Variants in PCDH15 observed in about 807,000 individuals in gnomAD.
The protein encoded by PCDH15 is protocadherin related 15.
Under a neutral mutation model 178.5 loss-of-function variants are expected in PCDH15, and 129 were observed. That is an observed-to-expected ratio of 0.72 (90% CI 0.63 to 0.84). The LOEUF (loss-of-function observed/expected upper bound fraction) is 0.84, where lower values mean the gene tolerates loss of function less well. PCDH15 is among the 40% of genes least tolerant of loss of function. PCDH15 has a pLI of 0.00. For synonymous variants in PCDH15, 800 were observed against 732.0 expected, an observed-to-expected ratio of 1.09 and a Z score of -1.50; for missense variants, 2,230 against 2,099.9, an observed-to-expected ratio of 1.06 and a Z score of -1.21.
At chr10:54,217,788 G>A (rs1303183215) in intron 9 of PCDH15, among the ~76,000 whole-genome samples, 1 of 152,142 alleles carries the variant, frequency 6.6e-6, no homozygotes, top group Non-Finnish European at 1.5e-5. Flanking sequence ...CTGAGAGAGA[G>A]AGCTGATTTC....
chr10:55,379,668 C>T (rs1837485568), intron 2 of PCDH15, among the ~76,000 whole-genome samples: 1 of 151,910 alleles, frequency 6.6e-6, no homozygotes, highest in African/African-American at 2.4e-5. Flanking sequence ...CTCCAGAATC[C>T]ATAACCTCAA....
intron 3 of PCDH15, among the ~76,000 whole-genome samples, chr10:54,525,563 A>T (rs1352241387): frequency 6.6e-6 from 1 of 152,166 alleles, no homozygotes; most frequent in Non-Finnish European, 1.5e-5. Flanking sequence ...GGTTCAAGTG[A>T]TTCTCGTGCC....
chr10:55,455,484 C>T (rs1033039237), intron 2 of PCDH15, among the ~76,000 whole-genome samples: 2 of 151,952 alleles, frequency 1.3e-5, no homozygotes, highest in African/African-American at 2.4e-5. Context: ...ATAGTATCAA[C>T]AATTACCATT....
In PCDH15 at chr10:54,609,515, T is replaced by C. The variant is rs537305923; in HGVS notation, c.91+54657A>G. 2.0e-5 allele frequency among the ~76,000 whole-genome samples: 3 copies of C among 152,150 alleles called. No individual in the cohort carries two copies. The South Asian group carries it at 6.2e-4, about 32-fold the overall frequency. The stretch of plus-strand genomic sequence containing the variant: ...TTTTGAGAATATCTCTTAAGAATCA[T>C]AGCTTGCAATCTATGGTGCTTCAAT... On this transcript the variant is annotated intron_variant, in intron 2 of 37. Coordinates refer to ENST00000644397, the MANE Select transcript of PCDH15 (RefSeq NM_001384140.1).
intron 37 of PCDH15, chr10:53,809,388 T>C: frequency 1.2e-6 from 2 of 1,614,020 alleles, no homozygotes; most frequent in Non-Finnish European, 1.7e-6. Flanking sequence ...CAGCTAATCC[T>C]CTAACTTTCT....
intron 3 of PCDH15, among the ~76,000 whole-genome samples, chr10:54,891,668 A>AGG (rs1240405931): frequency 6.6e-6 from 1 of 152,166 alleles, no homozygotes; most frequent in Non-Finnish European, 1.5e-5. Context: ...TGTCAAAAAG[A>AGG]GGGGCACTCT....
At chr10:55,440,243 G>T (rs1839147418) in intron 2 of PCDH15, among the ~76,000 whole-genome samples, 7 of 152,100 alleles carry the variant, frequency 4.6e-5, no homozygotes, top group Admixed American at 3.9e-4. Context: ...AAACAACACA[G>T]CTGTGAGGAA....
At chr10:54,012,398 A>G (rs1168566625) in intron 20 of PCDH15, among the ~76,000 whole-genome samples, 1 of 152,040 alleles carries the variant, frequency 6.6e-6, no homozygotes, top group Non-Finnish European at 1.5e-5. Flanking sequence ...AAACTTCCCA[A>G]CCTCACTAGA....
At chr10:54,837,288 C>A (rs1953333441) in intron 3 of PCDH15, among the ~76,000 whole-genome samples, 1 of 151,658 alleles carries the variant, frequency 6.6e-6, no homozygotes, top group African/African-American at 2.4e-5. Context: ...ATAAAGTAAA[C>A]AAAAGAAAAT....
intron 8 of PCDH15, among the ~76,000 whole-genome samples, chr10:54,253,067 A>T (rs193033388): frequency 1.1e-4 from 16 of 152,196 alleles, no homozygotes; most frequent in Non-Finnish European, 1.8e-4. Context: ...AGATAGGAAA[A>T]TCCAAAAGAA....
rs547111148 is a variant in PCDH15, at chr10:54,922,466, T to A, written c.-79-24966A>T. Among the ~76,000 whole-genome samples the A allele has an allele frequency of 7.2e-5, 11 of 152,174 alleles. No homozygotes were observed. In the East Asian group the frequency reaches 2.2e-3, roughly 30 times the overall value. Reference sequence around the variant, plus strand: ...AAGCTTAAAGTATTTTACAGGCTCATATGTGGAAAGGAGTTGCCTTGTCTC... The same window carrying A: ...AAGCTTAAAGTATTTTACAGGCTCAAATGTGGAAAGGAGTTGCCTTGTCTC... On this transcript the variant is annotated intron_variant, in intron 2 of 5. Transcript: ENST00000458638.
chr10:55,301,225 C>T (rs1843269264), intron 1 of PCDH15, among the ~76,000 whole-genome samples: 1 of 152,164 alleles, frequency 6.6e-6, no homozygotes, highest in Non-Finnish European at 1.5e-5. Flanking sequence ...TTCCCACCAG[C>T]AATGTACTGT....
At chr10:53,821,435 C>A in intron 32 of PCDH15, 1 of 1,006,782 alleles carries the variant, frequency 9.9e-7, no homozygotes, top group Non-Finnish European at 1.2e-6. Flanking sequence ...TCAATCATAT[C>A]AGTTTTAACT....
At chr10:54,076,935 AC>A (rs1279082049) in intron 17 of PCDH15, among the ~76,000 whole-genome samples, 2 of 152,178 alleles carry the variant, frequency 1.3e-5, no homozygotes, top group Admixed American at 6.5e-5. Flanking sequence ...GTTTTAAACC[AC>A]ATGATTCTTA....
At chr10:54,509,508 T>C (rs2081458739) in intron 3 of PCDH15, among the ~76,000 whole-genome samples, 1 of 152,170 alleles carries the variant, frequency 6.6e-6, no homozygotes, top group Admixed American at 6.6e-5. Context: ...CAAGTATTGA[T>C]TGTACAGCTT....
chr10:54,805,173 G>A (rs934017525), upstream of PCDH15, among the ~76,000 whole-genome samples: 1 of 151,642 alleles, frequency 6.6e-6, no homozygotes, highest in Non-Finnish European at 1.5e-5. Context: ...GAGAAAGGAA[G>A]ACATAAGAGG....
chr10:53,827,525 G>GTCTT lies in PCDH15; in HGVS notation c.4231_4234dup (p.Thr1412LysfsTer13), dbSNP rs1554822897. The GTCTT allele has an allele frequency of 6.2e-7, 1 of 1,614,150 alleles. No homozygotes were observed. Among genetic ancestry groups the GTCTT allele is most frequent in the Non-Finnish European group, 8.5e-7 (1 of 1,179,978 alleles). On this transcript the variant is annotated frameshift_variant, in exon 32 of 38. Transcript: ENST00000644397. LOFTEE classifies it high-confidence loss of function. The stretch of plus-strand genomic sequence containing the variant: ...GGGTAATGCGGCCTGAATTCGTGCA[G>GTCTT]TCTTTGTACACTCAGCTTGACGTCT...
intron 2 of PCDH15, among the ~76,000 whole-genome samples, chr10:55,009,450 T>C (rs149950333): frequency 6.6e-6 from 1 of 152,198 alleles, no homozygotes; most frequent in Admixed American, 6.5e-5. Context: ...ACCACCAACA[T>C]TTTAGGATTA....
At chr10:54,075,196 T>G (rs760233243) in intron 17 of PCDH15, among the ~76,000 whole-genome samples, 3 of 151,924 alleles carry the variant, frequency 2.0e-5, no homozygotes, top group Non-Finnish European at 4.4e-5. Context: ...GCTAACACAG[T>G]GAAACCCCAT....
Sources: allele counts gnomAD v4.1 joint callset (sites outside exome capture counted in the v4.1 genomes callset), GRCh38; gene constraint gnomAD v4.1.1; transcripts MANE v1.5; gene names NCBI Gene and HGNC (gene_info 2026-07-23, HGNC 2026-07-21).